Variants in EZH2 observed in about 807,000 individuals in gnomAD.
The protein encoded by EZH2 is histone-lysine N-methyltransferase EZH2.
Under a neutral mutation model 98.4 loss-of-function variants are expected in EZH2, and 18 were observed. The ratio of observed to expected loss-of-function variants is 0.18; its 90% CI spans 0.13 to 0.27. The LOEUF (loss-of-function observed/expected upper bound fraction) is 0.27, where lower values mean the gene tolerates loss of function less well. Ranked by LOEUF, EZH2 falls within the 10% of genes least tolerant of loss-of-function variation. EZH2 has a pLI of 1.00. For missense variants in EZH2, 470 were observed against 935.1 expected (o/e 0.50, Z 6.49); for synonymous variants, 338 against 312.3 (o/e 1.08, Z -0.87).
At chr7:148,851,468 C>T (rs1815757720) in intron 1 of EZH2, among the ~76,000 whole-genome samples, 2 of 152,096 alleles carry the variant, frequency 1.3e-5, no homozygotes, top group African/African-American at 4.8e-5. Flanking sequence ...ATGTTAGCTC[C>T]CCTGACCTCC....
At chr7:148,866,658 G>A (rs7795329) in intron 1 of EZH2, among the ~76,000 whole-genome samples, 215 of 143,206 alleles carry the variant, frequency 1.5e-3, no homozygotes, top group Non-Finnish European at 2.6e-3. Flanking sequence ...ACGTATATAC[G>A]TATATGCATA....
At chr7:148,870,053 A>C (rs1318332639) in intron 1 of EZH2, among the ~76,000 whole-genome samples, 2 of 152,084 alleles carry the variant, frequency 1.3e-5, no homozygotes, top group Non-Finnish European at 2.9e-5. Context: ...CCCTGTCTCT[A>C]TTTTTCAAAA....
intron 19 of EZH2, among the ~76,000 whole-genome samples, chr7:148,808,342 C>T (rs1308822759): frequency 6.6e-6 from 1 of 152,252 alleles, no homozygotes; most frequent in Non-Finnish European, 1.5e-5. Context: ...TGCTGTGCAA[C>T]AGCCATTAAA....
Position 148,843,465 on chromosome 7 carries a change from T to C in EZH2, c.246+3005A>G, listed in dbSNP as rs112579726. ...AGAGCTCCCTGACCTGAAGTCAGCATCTAAAGCACTCACTTCAGTAAACTT... is the reference window on the plus strand; with the variant it reads ...AGAGCTCCCTGACCTGAAGTCAGCACCTAAAGCACTCACTTCAGTAAACTT... On this transcript the variant is annotated intron_variant, in intron 3 of 19. Transcript: ENST00000320356. Among the ~76,000 whole-genome samples, 1,285 of 152,066 alleles carry C rather than the reference T, an allele frequency of 8.5e-3. 15 individuals carry two copies. The highest frequency in any genetic ancestry group is 0.012 in the Non-Finnish European group (812 of 68,004).
intron 1 of EZH2, among the ~76,000 whole-genome samples, chr7:148,874,832 G>A (rs568040824): frequency 6.6e-6 from 1 of 151,384 alleles, no homozygotes; most frequent in African/African-American, 2.4e-5. Flanking sequence ...AGGAGGCAGA[G>A]CTTGCAGTGA....
In EZH2 at chr7:148,807,486, A is replaced by C. The variant is rs1801775025; in HGVS notation, c.*160T>G. 6.2e-6 allele frequency: 4 copies of C among 640,526 alleles called. No homozygotes were observed. The highest frequency in any genetic ancestry group is 1.1e-5 in the Non-Finnish European group (4 of 363,874). 39.7% of individuals were successfully genotyped at this position (640,526 alleles called of 1,614,324 possible). On this transcript the variant is annotated 3_prime_UTR_variant, in exon 20 of 20. Coordinates refer to ENST00000320356, the MANE Select transcript of EZH2 (RefSeq NM_004456.5). ...ACTTTGCAGCTGGTGAGAAGGCAATAAAAAGTTGATTTTTAAACTCATTAC... is the reference window on the plus strand; with the variant it reads ...ACTTTGCAGCTGGTGAGAAGGCAATCAAAAGTTGATTTTTAAACTCATTAC...
chr7:148,818,928 C>G, intron 9 of EZH2: 1 of 388,030 alleles, frequency 2.6e-6, no homozygotes, highest in East Asian at 7.5e-5. Flanking sequence ...CAGCAGCCAA[C>G]AGTTTTATAC....
rs577805450 is a variant in EZH2 at position 148,856,652 on chromosome 7, G to A, written c.-7-9347C>T. The stretch of plus-strand genomic sequence containing the variant: ...CTACAAGGCAAGCCAGTAGAAGAAG[G>A]GAAATGCTCCAAAGATGAAAGGAGA... On this transcript the variant is annotated intron_variant, in intron 1 of 19. Coordinates refer to ENST00000320356, the MANE Select transcript of EZH2 (RefSeq NM_004456.5). Among the ~76,000 whole-genome samples, 3 of 152,274 alleles carry A rather than the reference G, an allele frequency of 2.0e-5. No individual in the cohort carries two copies. In the East Asian group the frequency reaches 5.8e-4, roughly 29 times the overall value.
At position 148,832,719 on chromosome 7, in the gene EZH2, G is replaced by C. The variant is rs773141417; in HGVS notation, c.278C>G (p.Thr93Arg). 6.2e-7 allele frequency: 1 copy of C among 1,608,122 alleles called. No homozygotes were observed. The highest frequency in any genetic ancestry group is 1.7e-5 in the Admixed American group (1 of 59,584). ...CSVTSDLDFP[T>R]QVIPLKTLNA... ...CAGAGTCTTTAATGGGATGACTTGT[G>C]TTGGAAAATCCAAGTCACTGGTCAC... The change falls in exon 4 of 20, where the codon ACA becomes AGA. Residue 93 changes from threonine to arginine, a missense_variant. Around this residue, in one of 6 missense-constraint regions of EZH2, gnomAD observed 79 missense variants for 122.1 expected, o/e 0.65. Coordinates refer to ENST00000320356, the MANE Select transcript of EZH2 (RefSeq NM_004456.5).
intron 1 of EZH2, among the ~76,000 whole-genome samples, chr7:148,878,884 A>T (rs1820541197): frequency 6.7e-6 from 1 of 148,474 alleles, no homozygotes; most frequent in Non-Finnish European, 1.5e-5. Flanking sequence ...GGGTGACAAC[A>T]AGACCCTGTC....
intron 1 of EZH2, among the ~76,000 whole-genome samples, chr7:148,868,932 T>TA (rs149022366): frequency 0.18 from 27,221 of 152,090 alleles, 2,652 homozygotes; most frequent in East Asian, 0.25. Flanking sequence ...AGACAAATGG[T>TA]AAAAAACAAT....
chr7:148,814,782 T>A (rs1288112308), intron 14 of EZH2, 132 bp downstream of exon 14: 10 of 1,145,740 alleles, frequency 8.7e-6, no homozygotes, highest in African/African-American at 1.6e-5. Flanking sequence ...GCTCAATAAA[T>A]ACTTGTCAAA....
chr7:148,808,290 G>A (rs1206064008), intron 19 of EZH2, among the ~76,000 whole-genome samples: 2 of 152,192 alleles, frequency 1.3e-5, no homozygotes, highest in African/African-American at 4.8e-5. Context: ...TTGCTAAAGT[G>A]GGCCCTTCAC....
At chr7:148,824,940 G>A (rs1807261513) in intron 8 of EZH2, among the ~76,000 whole-genome samples, 1 of 151,762 alleles carries the variant, frequency 6.6e-6, no homozygotes, top group South Asian at 2.1e-4. Context: ...CTAGAATGAG[G>A]TAAGTAACAG....
chr7:148,809,579 A>C (rs1054803747), intron 17 of EZH2, among the ~76,000 whole-genome samples, 189 bp from the exon 18 acceptor site: 1 of 152,108 alleles, frequency 6.6e-6, no homozygotes, highest in African/African-American at 2.4e-5. Context: ...GGTTAAAATT[A>C]ATCACCTATA....
intron 8 of EZH2, among the ~76,000 whole-genome samples, chr7:148,824,894 C>T (rs778688955): frequency 2.0e-5 from 3 of 151,860 alleles, no homozygotes; most frequent in Non-Finnish European, 4.4e-5. Context: ...TGAAAGCCAA[C>T]TTTATTAAAG....
At chr7:148,811,772 TGGGG>T (rs1803153883) in intron 15 of EZH2, 52 bp from the exon 16 acceptor site, 1 of 1,479,870 alleles carries the variant, frequency 6.8e-7, no homozygotes. Flanking sequence ...GAAAATGGAC[TGGGG>T]ACAAAGTAGA....
intron 4 of EZH2, among the ~76,000 whole-genome samples, chr7:148,830,472 T>C (rs1264676820): frequency 4.6e-5 from 7 of 152,198 alleles, no homozygotes; most frequent in Non-Finnish European, 1.0e-4. Context: ...AAAACAGCCA[T>C]TAACTTGTAA....
At position 148,834,352 on chromosome 7, in the gene EZH2, TACACACACACAC is replaced by T. The variant is rs10542159; in HGVS notation, c.247-1614_247-1603del. 2.0e-3 allele frequency among the ~76,000 whole-genome samples: 286 copies of T among 143,412 alleles called. 1 individual carries two copies. The highest frequency in any genetic ancestry group is 3.4e-3 in the Non-Finnish European group (221 of 65,044). 94.1% of individuals were successfully genotyped at this position (143,412 alleles called of 152,430 possible). A position where few individuals can be genotyped will look rare whatever the true frequency, so the allele number is the denominator to read the frequency against. ...TGAAAAATCATTATATATATATATA[TACACACACACAC>T]ACACACACACACACACACATATTAA... On this transcript the variant is annotated intron_variant, in intron 3 of 19. Transcript: ENST00000320356.
Sources: allele counts gnomAD v4.1 joint callset (sites outside exome capture counted in the v4.1 genomes callset), GRCh38; gene constraint gnomAD v4.1.1; regional missense constraint gnomAD v4.1.1; transcripts MANE v1.5; gene names NCBI Gene and HGNC (gene_info 2026-07-23, HGNC 2026-07-21).